Variants in DYNC1I1 observed in about 807,000 individuals in gnomAD.
The protein encoded by DYNC1I1 is cytoplasmic dynein 1 intermediate chain 1.
Under a neutral mutation model 86.6 loss-of-function variants are expected in DYNC1I1, and 43 were observed. That is an observed-to-expected ratio of 0.50 (90% CI 0.39 to 0.64). The LOEUF (loss-of-function observed/expected upper bound fraction) is 0.64, where lower values mean the gene tolerates loss of function less well. DYNC1I1 is among the 30% of genes least tolerant of loss of function. DYNC1I1 has a pLI of 0.00. For synonymous variants in DYNC1I1, 262 were observed against 283.7 expected, an observed-to-expected ratio of 0.92 and a Z score of 0.77; for missense variants, 604 against 788.8, an observed-to-expected ratio of 0.77 and a Z score of 2.81.
chr7:95,923,825 A>C (rs533694611), intron 6 of DYNC1I1, among the ~76,000 whole-genome samples: 60 of 152,276 alleles, frequency 3.9e-4, no homozygotes, highest in African/African-American at 1.4e-3. Flanking sequence ...GTGAAAGGGA[A>C]GGTTATAATG....
Position 95,887,175 on chromosome 7 carries a change from A to G in DYNC1I1, c.490+17177A>G, listed in dbSNP as rs538404635. 2.6e-5 allele frequency among the ~76,000 whole-genome samples: 4 copies of G among 152,278 alleles called. No homozygotes were observed. In the South Asian group the frequency reaches 8.3e-4, roughly 32 times the overall value. ...TATTAGAGTCACCTAGGGAGCTTTA[A>G]AAATATACAGATGTCTGGGCTTCAC... On this transcript the variant is annotated intron_variant, in intron 6 of 16. Transcript: ENST00000447467.
At chr7:95,830,221 TA>T (rs1322744628) in intron 5 of DYNC1I1, among the ~76,000 whole-genome samples, 2 of 152,138 alleles carry the variant, frequency 1.3e-5, no homozygotes, top group Non-Finnish European at 2.9e-5. Context: ...TAACTGGCTT[TA>T]AATAAACTAC....
chr7:95,961,483 A>G (rs1475129954), intron 6 of DYNC1I1, among the ~76,000 whole-genome samples: 1 of 152,222 alleles, frequency 6.6e-6, no homozygotes, highest in Admixed American at 6.5e-5. Context: ...CCATCTCATG[A>G]CAATAACTTC....
chr7:95,980,519 A>G (rs1283359818), intron 7 of DYNC1I1, among the ~76,000 whole-genome samples: 1 of 126,810 alleles, frequency 7.9e-6, no homozygotes, highest in Admixed American at 8.5e-5. Flanking sequence ...CAGGGAACAC[A>G]TTTTTGAGAA....
intron 14 of DYNC1I1, among the ~76,000 whole-genome samples, chr7:96,049,080 A>C (rs1789307951): frequency 6.6e-6 from 1 of 152,014 alleles, no homozygotes; most frequent in Non-Finnish European, 1.5e-5. Context: ...TAACACGGTG[A>C]AACCCCGTCT....
chr7:96,107,931 A>AATGATTTCTG (rs1166575665), intron 16 of DYNC1I1, among the ~76,000 whole-genome samples: 1 of 141,846 alleles, frequency 7.0e-6, no homozygotes. Context: ...TTCCGGCCTC[A>AATGATTTCTG]ATGATTTCTG....
intron 6 of DYNC1I1, among the ~76,000 whole-genome samples, chr7:95,972,094 AC>A (rs1413376496): frequency 6.6e-6 from 1 of 152,074 alleles, no homozygotes; most frequent in Non-Finnish European, 1.5e-5. Context: ...CCCTCTCTTC[AC>A]AGAGGGTCGC....
intron 2 of DYNC1I1, among the ~76,000 whole-genome samples, chr7:95,809,574 A>C (rs1011078850): frequency 5.3e-5 from 8 of 152,260 alleles, no homozygotes; most frequent in Non-Finnish European, 1.2e-4. Flanking sequence ...TGGAATTTTT[A>C]AATTTCCCCT....
At chr7:95,833,764 C>A (rs886807487) in intron 5 of DYNC1I1, among the ~76,000 whole-genome samples, 3 of 133,646 alleles carry the variant, frequency 2.2e-5, no homozygotes, top group African/African-American at 8.7e-5. Context: ...TGATTTGGCT[C>A]TCTGTTTGTC....
intron 6 of DYNC1I1, among the ~76,000 whole-genome samples, chr7:95,909,560 G>GCCATGAAAGGAA (rs1791273911): frequency 1.3e-5 from 2 of 152,106 alleles, no homozygotes; most frequent in Admixed American, 1.3e-4. Flanking sequence ...GAGGAAGGAG[G>GCCATGAAAGGAA]AAGAGAAGGA....
At chr7:95,864,817 T>C (rs1789976423) in intron 5 of DYNC1I1, among the ~76,000 whole-genome samples, 1 of 152,128 alleles carries the variant, frequency 6.6e-6, no homozygotes, top group Non-Finnish European at 1.5e-5. Context: ...TCAGTGGCAC[T>C]AAAGCCTCTA....
intron 10 of DYNC1I1, among the ~76,000 whole-genome samples, chr7:96,024,787 G>T (rs1794637241): frequency 6.6e-6 from 1 of 152,090 alleles, no homozygotes; most frequent in African/African-American, 2.4e-5. Flanking sequence ...TTTCTGAAAT[G>T]TTTTTTACTT....
intron 1 of DYNC1I1, among the ~76,000 whole-genome samples, chr7:95,777,275 A>G (rs1347328546): frequency 1.3e-5 from 2 of 152,174 alleles, no homozygotes; most frequent in Non-Finnish European, 2.9e-5. Flanking sequence ...TGCTTCCCCC[A>G]TCGCCAGGTG....
At chr7:96,022,324 T>C (rs1794572579) in intron 10 of DYNC1I1, among the ~76,000 whole-genome samples, 1 of 152,176 alleles carries the variant, frequency 6.6e-6, no homozygotes, top group Non-Finnish European at 1.5e-5. Context: ...CAAGGAATTC[T>C]CAGAAAGGTT....
At chr7:95,846,766 G>C (rs1789444421) in intron 5 of DYNC1I1, among the ~76,000 whole-genome samples, 1 of 151,954 alleles carries the variant, frequency 6.6e-6, no homozygotes. Flanking sequence ...CTAAGAATCA[G>C]TCCTTCAGAT....
chr7:95,875,917 G>T (rs1429292526), intron 6 of DYNC1I1, among the ~76,000 whole-genome samples: 1 of 152,108 alleles, frequency 6.6e-6, no homozygotes, highest in Non-Finnish European at 1.5e-5. Flanking sequence ...CCATCCTAGA[G>T]GTCTACCTTC....
chr7:96,100,682 G>GTGTGTGTGTGTGTGTGTGT (rs1554447113), downstream of DYNC1I1, among the ~76,000 whole-genome samples: 21 of 150,774 alleles, frequency 1.4e-4, no homozygotes, highest in South Asian at 6.3e-4. Flanking sequence ...GTGTGTGTGT[G>GTGTGTGTGTGTGTGTGTGT]GTAAGGAAGA....
intron 6 of DYNC1I1, among the ~76,000 whole-genome samples, chr7:95,903,330 A>G (rs1002127853): frequency 6.6e-6 from 1 of 152,152 alleles, no homozygotes; most frequent in African/African-American, 2.4e-5. Context: ...AATGCTTCCA[A>G]CTTATTTAGG....
chr7:96,103,029 G>T (rs145670778), downstream of DYNC1I1, among the ~76,000 whole-genome samples: 32 of 152,214 alleles, frequency 2.1e-4, no homozygotes, highest in African/African-American at 7.2e-4. Flanking sequence ...GAACCAGAAG[G>T]CTCTGAACAT....
Sources: gnomAD v4.1 joint callset for allele counts (sites outside exome capture counted in the v4.1 genomes callset) on GRCh38, gnomAD v4.1.1 for gene constraint, MANE v1.5 for transcripts, NCBI Gene and HGNC (gene_info 2026-07-23, HGNC 2026-07-21) for gene names.